MDFIC: variants seen among roughly 807,000 people sequenced by gnomAD.
MDFIC encodes the protein myoD family inhibitor domain-containing protein.
Under a neutral mutation model 23.2 loss-of-function variants are expected in MDFIC, and 17 were observed. That is an observed-to-expected ratio of 0.73 (90% CI 0.50 to 1.10). MDFIC has a LOEUF of 1.10. MDFIC is among the 50% of genes least tolerant of loss of function. MDFIC has a pLI of 0.00. For missense variants in MDFIC, 356 were observed against 316.6 expected, an observed-to-expected ratio of 1.12 and a Z score of -0.95; for synonymous variants, 120 against 115.2, an observed-to-expected ratio of 1.04 and a Z score of -0.27.
rs115471522 is a variant in MDFIC at position 115,019,722 on chromosome 7, A to G, written c.*3787A>G. Among the ~76,000 whole-genome samples, 1,088 of 152,280 alleles carry G rather than the reference A, an allele frequency of 7.1e-3. 12 individuals are homozygous for G. The highest frequency in any genetic ancestry group is 0.025 in the African/African-American group (1,025 of 41,562). Reference sequence around the variant, plus strand: ...GCAACAGAAAATGTCATCAAATACTATAATATCCATTTTGTTTTCTTTTGC... The same window carrying G: ...GCAACAGAAAATGTCATCAAATACTGTAATATCCATTTTGTTTTCTTTTGC... On this transcript the variant is annotated 3_prime_UTR_variant, in exon 5 of 5. Coordinates refer to ENST00000393486, the MANE Select transcript of MDFIC (RefSeq NM_001166345.3).
chr7:114,979,583 G>C lies in MDFIC; in HGVS notation c.295G>C (p.Gly99Arg), dbSNP rs548881845. ...TGAGGAAATAGGCAAGATAAAGAAC[G>C]GCCACACAGGTCTGAGCAATGGAAA... ...SGEEIGKIKN[G>R]HTGLSNGNGI... Residue 99 changes from glycine (G) to arginine (R), a missense_variant, in exon 4 of 5, where the codon GGC (glycine) becomes CGC (arginine). By Grantham distance (125) the Gly-to-Arg change is moderately radical. Transcript: ENST00000393486. 20 of 1,613,912 alleles carry C rather than the reference G, an allele frequency of 1.2e-5. No individual in the cohort carries two copies. The highest frequency in any genetic ancestry group is 1.7e-5 in the Non-Finnish European group (20 of 1,179,984).
chr7:114,966,736 G>A (rs1793104614), intron 3 of MDFIC, among the ~76,000 whole-genome samples: 1 of 152,168 alleles, frequency 6.6e-6, no homozygotes, highest in East Asian at 1.9e-4. Flanking sequence ...TTACCTGAAA[G>A]CTTTTTTCAA....
chr7:114,951,624 G>A (rs563725441), intron 3 of MDFIC, among the ~76,000 whole-genome samples: 1 of 152,094 alleles, frequency 6.6e-6, no homozygotes, highest in South Asian at 2.1e-4. Flanking sequence ...TGGGTGAAGA[G>A]GACTCCCACT....
intron 2 of MDFIC, among the ~76,000 whole-genome samples, chr7:114,933,071 G>T (rs1305704453): frequency 1.3e-5 from 2 of 152,070 alleles, no homozygotes; most frequent in Non-Finnish European, 2.9e-5. Flanking sequence ...TGCCAAGTAA[G>T]GGTTCTTTGC....
chr7:114,991,455 T>G (rs185513744), intron 4 of MDFIC, among the ~76,000 whole-genome samples: 1,953 of 152,282 alleles, frequency 0.013, 18 homozygotes, highest in Non-Finnish European at 0.018. Context: ...ATTTCCTAGG[T>G]TTTCTTCTAG....
intron 4 of MDFIC, among the ~76,000 whole-genome samples, chr7:115,007,252 A>G (rs1197796491): frequency 4.6e-5 from 7 of 152,160 alleles, no homozygotes; most frequent in East Asian, 1.9e-4. Context: ...ATATTTTGCT[A>G]TCATCTTCAC....
intron 2 of MDFIC, among the ~76,000 whole-genome samples, chr7:114,932,130 A>C (rs775174620): frequency 1.3e-5 from 2 of 152,320 alleles, no homozygotes; most frequent in Non-Finnish European, 2.9e-5. Flanking sequence ...TAAGCGTGGG[A>C]AAGTATAGGA....
chr7:114,994,822 T>C (rs1397925343), intron 4 of MDFIC, among the ~76,000 whole-genome samples: 1 of 152,042 alleles, frequency 6.6e-6, no homozygotes, highest in African/African-American at 2.4e-5. Context: ...CTGACAATTA[T>C]GTCTTGGAGT....
chr7:114,968,694 G>T (rs1454788331), intron 3 of MDFIC, among the ~76,000 whole-genome samples: 1 of 152,126 alleles, frequency 6.6e-6, no homozygotes, highest in Non-Finnish European at 1.5e-5. Context: ...TAGAATTAAA[G>T]CACAAAGATT....
At chr7:114,923,446 G>T (rs945993169) in intron 2 of MDFIC, 3 of 1,537,350 alleles carry the variant, frequency 2.0e-6, no homozygotes, top group East Asian at 2.4e-5. Flanking sequence ...GTTCTGAAGC[G>T]CTTCTCCTCT....
intron 4 of MDFIC, among the ~76,000 whole-genome samples, chr7:115,015,401 G>A (rs892832707): frequency 2.6e-5 from 4 of 151,990 alleles, no homozygotes; most frequent in Admixed American, 2.6e-4. Flanking sequence ...TGGTATCTAG[G>A]ACCAAGGGTC....
chr7:115,010,162 T>C (rs1791654261), intron 4 of MDFIC, among the ~76,000 whole-genome samples: 1 of 152,236 alleles, frequency 6.6e-6, no homozygotes, highest in African/African-American at 2.4e-5. Context: ...TCAAGCCTTC[T>C]TAAGTTTGAT....
chr7:114,983,814 G>T (rs1334594047), intron 4 of MDFIC, among the ~76,000 whole-genome samples: 1 of 151,620 alleles, frequency 6.6e-6, no homozygotes, highest in East Asian at 1.9e-4. Context: ...CAGGTGATCC[G>T]CCCACCTCGG....
Position 115,016,883 on chromosome 7 carries a change from A to G in MDFIC, c.*948A>G, listed in dbSNP as rs183097440. The G allele has an allele frequency of 1.3e-5, 2 of 152,294 alleles. No individual in the cohort carries two copies. The highest frequency in any genetic ancestry group is 3.9e-4 in the East Asian group (2 of 5,172). The allele number at this position is 152,294 out of a possible 1,614,324, so 9.4% of individuals were successfully genotyped here. On this transcript the variant is annotated 3_prime_UTR_variant, in exon 5 of 5. Transcript: ENST00000393486. ...TCCACAGGAACATGAGATTTAGCAG[A>G]CTAAGGAGATCTGTAAAGAATGAAC...
intron 4 of MDFIC, among the ~76,000 whole-genome samples, chr7:114,980,464 A>G (rs1292182012): frequency 9.8e-5 from 15 of 152,306 alleles, no homozygotes; most frequent in Non-Finnish European, 2.9e-5. Context: ...GGCTGGGTTA[A>G]AAGCAGGTTA....
At position 114,923,091 on chromosome 7, in the gene MDFIC, G is replaced by T. The variant is rs1792123762; in HGVS notation, c.58G>T (p.Glu20Ter). 1.4e-5 allele frequency: 20 copies of T among 1,442,522 alleles called. No homozygotes were observed. Among genetic ancestry groups the T allele is most frequent in the Non-Finnish European group, 1.8e-5 (20 of 1,099,346 alleles). The allele number at this position is 1,442,522 out of a possible 1,614,324, so 89.4% of individuals were successfully genotyped here. A position where few individuals can be genotyped will look rare whatever the true frequency, so the allele number is the denominator to read the frequency against. ...GCCCGTGGGGCCGCAGCGCGTGGCC[G>T]AGGCGGGCGGCGGCCAGCTGGGCTC... Reference protein sequence around the residue: ...PGPVGPQRVAEAGGGQLGSTA... With the variant: ...PGPVGPQRVA Residue 20 changes from glutamate (E) to a stop codon, truncating the protein, a stop_gained, in exon 2 of 5, where the codon GAG becomes TAG. Coordinates refer to ENST00000393486, the MANE Select transcript of MDFIC (RefSeq NM_001166345.3). LOFTEE classifies it high-confidence loss of function.
At chr7:114,992,463 T>C (rs1791194730) in intron 4 of MDFIC, among the ~76,000 whole-genome samples, 1 of 152,196 alleles carries the variant, frequency 6.6e-6, no homozygotes, top group Non-Finnish European at 1.5e-5. Context: ...TTTTGCCCAT[T>C]CAGTATGATA....
intron 3 of MDFIC, among the ~76,000 whole-genome samples, chr7:114,972,143 T>C (rs1262567992): frequency 1.3e-5 from 2 of 152,108 alleles, no homozygotes; most frequent in East Asian, 3.9e-4. Flanking sequence ...GAGGGAATGT[T>C]TAGGGTAAGG....
intron 2 of MDFIC, among the ~76,000 whole-genome samples, chr7:114,937,330 T>C (rs76434833): frequency 0.014 from 2,148 of 152,296 alleles, 35 homozygotes; most frequent in Non-Finnish European, 0.021. Context: ...TTGGAACCTT[T>C]AGTTTTTCCA....
Sources: gnomAD v4.1 joint callset for allele counts (sites outside exome capture counted in the v4.1 genomes callset) on GRCh38, gnomAD v4.1.1 for gene constraint, MANE v1.5 for transcripts, NCBI Gene and HGNC (gene_info 2026-07-23, HGNC 2026-07-21) for gene names.